KCNIP1: variants seen among roughly 807,000 people sequenced by gnomAD.
KCNIP1 encodes the protein potassium voltage-gated channel interacting protein 1.
Under a neutral mutation model 33.0 loss-of-function variants are expected in KCNIP1, and 18 were observed. That is an observed-to-expected ratio of 0.55 (90% CI 0.38 to 0.81). The LOEUF (loss-of-function observed/expected upper bound fraction) is 0.81. Among genes scored for constraint, KCNIP1 ranks in the 30% least tolerant of loss-of-function variants. The probability of loss-of-function intolerance (pLI) is 0.00; values close to 1 mark genes in which losing one functional copy is unlikely to be tolerated. For synonymous variants in KCNIP1, 93 were observed against 98.3 expected (o/e 0.95, Z 0.32); for missense variants, 238 against 271.6 (o/e 0.88, Z 0.87).
chr5:170,543,713 T>A (rs1193588669), intron 1 of KCNIP1, among the ~76,000 whole-genome samples: 1 of 152,236 alleles, frequency 6.6e-6, no homozygotes, highest in African/African-American at 2.4e-5. Context: ...GACAACTTTG[T>A]CACTTTTCTC....
At chr5:170,360,639 GC>G (rs1763483333) in intron 1 of KCNIP1, among the ~76,000 whole-genome samples, 1 of 152,118 alleles carries the variant, frequency 6.6e-6, no homozygotes, top group African/African-American at 2.4e-5. Context: ...TATCCCCCCT[GC>G]CCCCAGTCAC....
intron 1 of KCNIP1, among the ~76,000 whole-genome samples, chr5:170,556,055 C>T (rs1756834000): frequency 6.6e-6 from 1 of 152,222 alleles, no homozygotes; most frequent in Non-Finnish European, 1.5e-5. Context: ...CACAACAACT[C>T]AACCGTTTAG....
chr5:170,682,080 C>T (rs1286848905), intron 1 of KCNIP1, among the ~76,000 whole-genome samples: 111 of 152,300 alleles, frequency 7.3e-4, no homozygotes, highest in Non-Finnish European at 1.0e-4. Context: ...CATGACAAAA[C>T]CGTACATAAT....
intron 1 of KCNIP1, among the ~76,000 whole-genome samples, chr5:170,619,414 G>A (rs541177824): frequency 6.6e-6 from 1 of 152,176 alleles, no homozygotes; most frequent in African/African-American, 2.4e-5. Context: ...GGTATGAGAT[G>A]TAAGACCCCG....
At chr5:170,434,194 T>C (rs1461567997) in intron 1 of KCNIP1, among the ~76,000 whole-genome samples, 3 of 152,196 alleles carry the variant, frequency 2.0e-5, no homozygotes, top group Admixed American at 2.0e-4. Flanking sequence ...ATAATATCAG[T>C]ACCTCCCTCA....
chr5:170,615,279 C>T (rs1031192143), intron 1 of KCNIP1, among the ~76,000 whole-genome samples: 1 of 152,054 alleles, frequency 6.6e-6, no homozygotes, highest in South Asian at 2.1e-4. Flanking sequence ...AGCCTGGGCA[C>T]GTAGCTACTG....
chr5:170,509,251 C>T (rs896616754), intron 1 of KCNIP1, among the ~76,000 whole-genome samples: 7 of 152,152 alleles, frequency 4.6e-5, no homozygotes, highest in African/African-American at 1.4e-4. Flanking sequence ...GATTCTACTC[C>T]CACTCCCTCA....
At position 170,504,743 on chromosome 5, in the gene KCNIP1, G is replaced by A. The variant is rs369400885; in HGVS notation, c.61+110G>A. The A allele has an allele frequency of 2.3e-6, 2 of 879,312 alleles. No individual in the cohort carries two copies. The highest frequency in any genetic ancestry group is 2.8e-5 in the South Asian group (2 of 71,914). The allele number at this position is 879,312 out of a possible 1,614,324, so 54.5% of individuals were successfully genotyped here. On this transcript the variant is annotated intron_variant, in intron 1 of 7. Transcript: ENST00000328939. The surrounding 1 kb of genome is among the most constrained non-coding windows in gnomAD (Gnocchi z 6.0). ...GTCCGGACTCTCCTCTCCACGAGGA[G>A]CCCGGACAGGTGCTTGTATCCAAAG...
At chr5:170,508,364 G>A (rs547924293) in intron 1 of KCNIP1, among the ~76,000 whole-genome samples, 9 of 152,294 alleles carry the variant, frequency 5.9e-5, no homozygotes, top group African/African-American at 1.7e-4. Context: ...GAATGTTCCC[G>A]ATAGTCCCAT....
At chr5:170,457,913 A>C (rs922476528) in intron 1 of KCNIP1, among the ~76,000 whole-genome samples, 1 of 152,254 alleles carries the variant, frequency 6.6e-6, no homozygotes, top group African/African-American at 2.4e-5. Flanking sequence ...GCACCAGTGA[A>C]AGGCAAAGTC....
chr5:170,609,563 T>C (rs990280440), intron 1 of KCNIP1, among the ~76,000 whole-genome samples: 1 of 152,110 alleles, frequency 6.6e-6, no homozygotes, highest in Non-Finnish European at 1.5e-5. Context: ...AGTTTGGGCC[T>C]GGCATGGCAG....
At chr5:170,718,920 T>G (rs1344372440) in intron 2 of KCNIP1, 38 bp downstream of exon 2, 1 of 1,591,682 alleles carries the variant, frequency 6.3e-7, no homozygotes, top group Non-Finnish European at 8.5e-7. Context: ...TGGGGGGGGT[T>G]CCCACGTGAG....
chr5:170,620,721 T>C (rs1277411726), intron 1 of KCNIP1, among the ~76,000 whole-genome samples: 1 of 152,226 alleles, frequency 6.6e-6, no homozygotes, highest in African/African-American at 2.4e-5. Flanking sequence ...CTTTGGGTAT[T>C]CAACCCTCCT....
intron 1 of KCNIP1, among the ~76,000 whole-genome samples, chr5:170,614,269 AAC>A (rs1165676642): frequency 2.6e-5 from 4 of 152,320 alleles, no homozygotes; most frequent in South Asian, 2.1e-4. Flanking sequence ...GAATGCTGTA[AAC>A]ACAGTCAGCC....
At chr5:170,503,981 C>T (rs1754592359), upstream of KCNIP1, 4 of 716,712 alleles carry the variant, frequency 5.6e-6, no homozygotes, top group Non-Finnish European at 6.8e-6. Context: ...TCCGTAGTTG[C>T]CCGCCCGCCG....
chr5:170,391,877 T>C (rs140763543), intron 1 of KCNIP1, among the ~76,000 whole-genome samples: 128 of 152,330 alleles, frequency 8.4e-4, no homozygotes, highest in Non-Finnish European at 1.5e-3. Flanking sequence ...GATTGTCCTT[T>C]CCAAAGATGG....
intron 1 of KCNIP1, among the ~76,000 whole-genome samples, chr5:170,589,724 T>TGTGGTGTGGTGTGGA (rs1459607309): frequency 1.9e-5 from 1 of 52,994 alleles, no homozygotes; most frequent in East Asian, 8.1e-4. Flanking sequence ...TGTGGTGTGA[T>TGTGGTGTGGTGTGGA]GTGGTGTGGT....
intron 1 of KCNIP1, among the ~76,000 whole-genome samples, chr5:170,367,803 C>G (rs978599671): frequency 6.6e-6 from 1 of 152,232 alleles, no homozygotes; most frequent in African/African-American, 2.4e-5. Context: ...TCTGACTCCT[C>G]CACACCATTC....
rs189488385 is a variant in KCNIP1, at chr5:170,470,476, A to T, written c.88+116512A>T. On this transcript the variant is annotated intron_variant, in intron 1 of 7. Coordinates refer to the KCNIP1 transcript ENST00000377360. ...TGGGTCTGCCCACCCGGCACAGTGC[A>T]GCCAAACACTGATATTGGGATTGCA... Among the ~76,000 whole-genome samples, 13 of 152,248 alleles carry T rather than the reference A, an allele frequency of 8.5e-5. No homozygotes were observed. In the East Asian group the frequency reaches 2.5e-3, roughly 30 times the overall value.
Sources: allele counts gnomAD v4.1 joint callset (sites outside exome capture counted in the v4.1 genomes callset), GRCh38; gene constraint gnomAD v4.1.1; non-coding constraint Gnocchi (gnomAD v3.1); transcripts MANE v1.5; gene names NCBI Gene and HGNC (gene_info 2026-07-23, HGNC 2026-07-21).